GSE1: variants seen among roughly 807,000 people sequenced by gnomAD.
The protein encoded by GSE1 is genetic suppressor element 1.
Under a neutral mutation model 112.6 loss-of-function variants are expected in GSE1, and 32 were observed. The ratio of observed to expected loss-of-function variants is 0.28; its 90% confidence interval spans 0.21 to 0.38. The LOEUF is 0.38. GSE1 is among the 10% of genes least tolerant of loss of function. GSE1 has a pLI of 1.00. For synonymous variants in GSE1, 1,115 were observed against 735.6 expected (o/e 1.52, Z -8.35); for missense variants, 2,348 against 1,699.2 (o/e 1.38, Z -6.71).
chr16:85,463,812 T>C (rs1159227068), intron 2 of GSE1, among the ~76,000 whole-genome samples: 4 of 152,094 alleles, frequency 2.6e-5, no homozygotes, highest in Non-Finnish European at 4.4e-5. Context: ...TGAGCGGGAC[T>C]CTGAGGCCTG....
intron 2 of GSE1, among the ~76,000 whole-genome samples, chr16:85,394,631 G>T (rs2047926365): frequency 1.3e-5 from 2 of 152,222 alleles, no homozygotes; most frequent in Non-Finnish European, 2.9e-5. Context: ...TGAGATTGCA[G>T]GCCCTGCCAG....
intron 2 of GSE1, among the ~76,000 whole-genome samples, chr16:85,388,916 A>C (rs2079830615): frequency 6.6e-6 from 1 of 152,198 alleles, no homozygotes; most frequent in South Asian, 2.1e-4. Flanking sequence ...TCCCCAGGGA[A>C]AATCATAGGT....
intron 2 of GSE1, among the ~76,000 whole-genome samples, chr16:85,446,989 A>G (rs2049533127): frequency 6.6e-6 from 1 of 151,992 alleles, no homozygotes; most frequent in Middle Eastern, 3.4e-3. Context: ...CTCCAGCACA[A>G]TGTCGGGTGC....
At chr16:85,173,315 C>G (rs548814150) in intron 1 of GSE1, among the ~76,000 whole-genome samples, 1 of 152,340 alleles carries the variant, frequency 6.6e-6, no homozygotes, top group African/African-American at 2.4e-5. Context: ...TCTGCCCTTT[C>G]TCTTGCTAAG....
exon 1 of GSE1, chr16:85,170,475 C>T: frequency 1.0e-6 from 1 of 985,594 alleles, no homozygotes; most frequent in South Asian, 4.7e-5. Context: ...GGGGCTTCTG[C>T]ACCTCCGAGG....
intron 1 of GSE1, among the ~76,000 whole-genome samples, chr16:85,339,085 C>G (rs761358388): frequency 4.6e-5 from 7 of 152,210 alleles, no homozygotes; most frequent in Non-Finnish European, 1.0e-4. Context: ...ACCCTGCTCT[C>G]TTCCCCTGAA....
intron 1 of GSE1, among the ~76,000 whole-genome samples, chr16:85,260,656 T>C (rs1030952684): frequency 6.6e-6 from 1 of 152,212 alleles, no homozygotes; most frequent in Non-Finnish European, 1.5e-5. Flanking sequence ...ACTACTCTGG[T>C]AGGAGCTGTT....
chr16:85,619,481 C>T (rs577452945), intron 1 of GSE1, among the ~76,000 whole-genome samples: 7 of 152,332 alleles, frequency 4.6e-5, no homozygotes, highest in Admixed American at 2.6e-4. Flanking sequence ...GTCTTATCTT[C>T]TGGGTTGGGG....
intron 1 of GSE1, among the ~76,000 whole-genome samples, chr16:85,557,117 A>G (rs1454466186): frequency 6.6e-6 from 1 of 151,954 alleles, no homozygotes; most frequent in Admixed American, 6.5e-5. Flanking sequence ...AAAAAAAATT[A>G]AGTGTAGGCT....
intron 2 of GSE1, among the ~76,000 whole-genome samples, chr16:85,452,852 C>G (rs1266166640): frequency 6.6e-6 from 1 of 152,252 alleles, no homozygotes; most frequent in Non-Finnish European, 1.5e-5. Flanking sequence ...GCCCTTCCCT[C>G]TGCCAGGCGC....
intron 2 of GSE1, among the ~76,000 whole-genome samples, chr16:85,463,317 A>G (rs2050029936): frequency 6.6e-6 from 1 of 152,306 alleles, no homozygotes; most frequent in South Asian, 2.1e-4. Flanking sequence ...TCAGAAGAGA[A>G]GCCCTGGGTT....
chr16:85,657,131 C>A, intron 7 of GSE1, 146 bp from the exon 8 acceptor site: 1 of 564,482 alleles, frequency 1.8e-6, no homozygotes, highest in East Asian at 3.2e-5. Context: ...TCCCGTAGGG[C>A]CCCTTCTGAA....
At chr16:85,184,551 C>T (rs2074661024) in intron 1 of GSE1, among the ~76,000 whole-genome samples, 1 of 152,220 alleles carries the variant, frequency 6.6e-6, no homozygotes, top group Non-Finnish European at 1.5e-5. Context: ...TAAAATACTG[C>T]ATGGGAGGGA....
chr16:85,596,906 C>T (rs1018055505), intron 1 of GSE1, among the ~76,000 whole-genome samples: 1 of 152,176 alleles, frequency 6.6e-6, no homozygotes, highest in African/African-American at 2.4e-5. Context: ...CGTGGTGGCA[C>T]ACACCTGTAA....
intron 1 of GSE1, among the ~76,000 whole-genome samples, chr16:85,560,128 C>CTTTTTTTTTTTTTTTTT (rs377241566): frequency 6.1e-5 from 6 of 99,160 alleles, no homozygotes; most frequent in African/African-American, 8.0e-5. Context: ...TCTTCTTCTT[C>CTTTTTTTTTTTTTTTTT]TTTTTTTTTT....
At chr16:85,313,933 T>TGG (rs1168476604) in intron 1 of GSE1, among the ~76,000 whole-genome samples, 1 of 151,368 alleles carries the variant, frequency 6.6e-6, no homozygotes, top group Non-Finnish European at 1.5e-5. Flanking sequence ...TGTGTGTGTG[T>TGG]GTGTGTGTGT....
At chr16:85,474,661 T>C (rs2050398696) in intron 2 of GSE1, among the ~76,000 whole-genome samples, 1 of 118,304 alleles carries the variant, frequency 8.5e-6, no homozygotes, top group African/African-American at 3.2e-5. Context: ...CCCCCCCTCT[T>C]CCCCCTCCTC....
chr16:85,664,919 T>TTTGCC, intron 11 of GSE1, 96 bp from the exon 12 acceptor site: 1 of 824,716 alleles, frequency 1.2e-6, no homozygotes, highest in Non-Finnish European at 2.0e-6. Context: ...GCTTTAGTGC[T>TTTGCC]TTGCCTGCCC....
At chr16:85,303,581 C>A (rs1006838381) in intron 1 of GSE1, among the ~76,000 whole-genome samples, 1 of 152,230 alleles carries the variant, frequency 6.6e-6, no homozygotes, top group Non-Finnish European at 1.5e-5. Context: ...TATTGTGACT[C>A]CCATTTTGTT....
Sources: allele counts gnomAD v4.1 joint callset (sites outside exome capture counted in the v4.1 genomes callset), GRCh38; gene constraint gnomAD v4.1.1; transcripts MANE v1.5; gene names NCBI Gene and HGNC (gene_info 2026-07-23, HGNC 2026-07-21).